LGSN: variants seen among roughly 807,000 people sequenced by gnomAD.
The protein encoded by LGSN is lengsin.
A neutral mutation model predicts 19.5 loss-of-function variants in LGSN; 21 were observed. The ratio of observed to expected loss-of-function variants is 1.07; its 90% CI spans 0.76 to 1.55. LGSN has a LOEUF of 1.55. Among genes scored for constraint, LGSN ranks in the 40% most tolerant of loss-of-function variants. The probability of loss-of-function intolerance (pLI) is 0.00; values close to 1 mark genes in which losing one functional copy is unlikely to be tolerated. For missense variants in LGSN, 673 were observed against 608.5 expected (o/e 1.11, Z -1.12); for synonymous variants, 257 against 215.6 (o/e 1.19, Z -1.68).
the LGSN span, among the ~76,000 whole-genome samples, chr6:63,369,008 G>A: frequency 6.6e-6 from 1 of 152,146 alleles, no homozygotes; most frequent in South Asian, 2.1e-4. Flanking sequence ...TCACATTGGT[G>A]CTGCTCATAT....
the LGSN span, among the ~76,000 whole-genome samples, chr6:63,523,277 C>T: frequency 6.6e-6 from 1 of 152,006 alleles, no homozygotes; most frequent in Non-Finnish European, 1.5e-5. Context: ...AGGCATTATA[C>T]ACAATATGAT....
At chr6:63,537,416 C>T in the LGSN span, among the ~76,000 whole-genome samples, 32 of 152,212 alleles carry the variant, frequency 2.1e-4, no homozygotes, top group African/African-American at 7.5e-4. Context: ...ATTTCAACAC[C>T]AATGCCCAGG....
chr6:63,470,208 C>T, the LGSN span, among the ~76,000 whole-genome samples: 1 of 151,906 alleles, frequency 6.6e-6, no homozygotes, highest in African/African-American at 2.4e-5. Context: ...TAGCTCACAC[C>T]TGTAATCCCA....
At chr6:63,536,557 CTT>C in the LGSN span, among the ~76,000 whole-genome samples, 1 of 152,102 alleles carries the variant, frequency 6.6e-6, no homozygotes, top group African/African-American at 2.4e-5. Flanking sequence ...CAAATCACCA[CTT>C]ATATTTTATC....
chr6:63,411,612 G>A, the LGSN span, among the ~76,000 whole-genome samples: 4 of 152,306 alleles, frequency 2.6e-5, no homozygotes, highest in East Asian at 7.7e-4. Flanking sequence ...GGCCGAGAAG[G>A]GAGGATCCTT....
chr6:63,339,319 T>C, the LGSN span, among the ~76,000 whole-genome samples: 1 of 152,204 alleles, frequency 6.6e-6, no homozygotes, highest in East Asian at 1.9e-4. Context: ...CTCTCTTTAG[T>C]GCTAATAATC....
At chr6:63,420,927 T>C in the LGSN span, among the ~76,000 whole-genome samples, 2 of 151,698 alleles carry the variant, frequency 1.3e-5, no homozygotes, top group Non-Finnish European at 2.9e-5. Context: ...GGTAAAGAAA[T>C]AGAAGATAAA....
At chr6:63,443,154 G>T in the LGSN span, among the ~76,000 whole-genome samples, 1 of 152,338 alleles carries the variant, frequency 6.6e-6, no homozygotes, top group Non-Finnish European at 1.5e-5. Context: ...AGTGCTGGGG[G>T]ACCCGGTGCC....
intron 1 of LGSN, among the ~76,000 whole-genome samples, chr6:63,314,416 T>A (rs1345849449): frequency 6.6e-6 from 1 of 152,128 alleles, no homozygotes; most frequent in Non-Finnish European, 1.5e-5. Context: ...ATGTTTGTAA[T>A]TTAAGCCAGC....
chr6:63,286,612 G>T (rs1409758534), intron 2 of LGSN, among the ~76,000 whole-genome samples: 2 of 152,028 alleles, frequency 1.3e-5, no homozygotes, highest in East Asian at 3.9e-4. Flanking sequence ...ATTCATGCTG[G>T]GTGGCTTATT....
the LGSN span, among the ~76,000 whole-genome samples, chr6:63,411,350 A>T: frequency 2.0e-5 from 3 of 152,230 alleles, no homozygotes; most frequent in Admixed American, 6.5e-5. Flanking sequence ...AGGCAAGGGC[A>T]TCAGAGATAA....
chr6:63,321,526 A>C (rs1158559246), upstream of LGSN, among the ~76,000 whole-genome samples: 1 of 151,970 alleles, frequency 6.6e-6, no homozygotes, highest in East Asian at 1.9e-4. Context: ...TCCTTACCTT[A>C]TTTTGACAAT....
the LGSN span, among the ~76,000 whole-genome samples, chr6:63,454,370 G>T: frequency 6.6e-6 from 1 of 151,750 alleles, no homozygotes; most frequent in East Asian, 1.9e-4. Context: ...GTTCTTTTTT[G>T]ATTCCCAGTT....
chr6:63,500,595 AT>A, the LGSN span, among the ~76,000 whole-genome samples: 6 of 150,838 alleles, frequency 4.0e-5, no homozygotes, highest in African/African-American at 1.5e-4. Flanking sequence ...CTAATTTTGT[AT>A]TTTTAGTAGG....
the LGSN span, among the ~76,000 whole-genome samples, chr6:63,398,105 A>G: frequency 6.6e-6 from 1 of 151,796 alleles, no homozygotes; most frequent in South Asian, 2.1e-4. Context: ...TATAGTATGT[A>G]CAATTATGTA....
chr6:63,361,685 C>A, the LGSN span, among the ~76,000 whole-genome samples: 1 of 152,130 alleles, frequency 6.6e-6, no homozygotes, highest in African/African-American at 2.4e-5. Context: ...TCCGACAATC[C>A]CCAGTGAGAT....
chr6:63,276,074 T>C lies in LGSN; in HGVS notation c.*3947A>G, dbSNP rs1015833143. ...TTTAACAGGGAAGGCACTGTGCACA[T>C]AGGTAATGTTTAAAGACACAAATTC... is the stretch of plus-strand genomic sequence containing the variant. On this transcript the variant is annotated 3_prime_UTR_variant, in exon 4 of 4. Coordinates refer to ENST00000370657, the MANE Select transcript of LGSN (RefSeq NM_016571.3). 6.6e-6 allele frequency: 1 copy of C among 152,188 alleles called. No homozygotes were observed. The highest frequency in any genetic ancestry group is 1.5e-5 in the Non-Finnish European group (1 of 68,018). The allele number at this position is 152,188 out of a possible 1,614,324, so 9.4% of individuals were successfully genotyped here. A position where few individuals can be genotyped will look rare whatever the true frequency, so the allele number is the denominator to read the frequency against.
At chr6:63,412,698 A>G in the LGSN span, among the ~76,000 whole-genome samples, 82 of 127,270 alleles carry the variant, frequency 6.4e-4, no homozygotes, top group African/African-American at 2.2e-3. Context: ...AGAGAAAGAA[A>G]GAAAGAAAGA....
the LGSN span, chr6:63,443,598 C>G: frequency 1.9e-6 from 2 of 1,046,638 alleles, no homozygotes; most frequent in African/African-American, 3.4e-5. Context: ...TCCCCAGCAC[C>G]TGCTGCCTCC....
Sources: gnomAD v4.1 joint callset for allele counts (sites outside exome capture counted in the v4.1 genomes callset) on GRCh38, gnomAD v4.1.1 for gene constraint, MANE v1.5 for transcripts, NCBI Gene and HGNC (gene_info 2026-07-23, HGNC 2026-07-21) for gene names.